The following USP3 variants were observed in gnomAD, a reference collection of about 807,000 sequenced individuals.
USP3 encodes the protein ubiquitin carboxyl-terminal hydrolase 3.
USP3 carries 20 observed loss-of-function variants against 72.3 expected under a neutral mutation model. That is an observed-to-expected ratio of 0.28 (90% CI 0.19 to 0.40). USP3 has a LOEUF of 0.40. Among genes scored for constraint, USP3 ranks in the 10% least tolerant of loss-of-function variants. USP3 has a pLI of 1.00. For missense variants in USP3, 479 were observed against 633.9 expected (o/e 0.76, Z 2.62); for synonymous variants, 222 against 225.3 (o/e 0.99, Z 0.13).
intron 5 of USP3, among the ~76,000 whole-genome samples, chr15:63,557,868 A>G (rs62011346): frequency 0.12 from 18,786 of 152,222 alleles, 1,598 homozygotes; most frequent in South Asian, 0.2. Flanking sequence ...ATTTCCTCAT[A>G]AGCTTTCAAT....
chr15:63,587,973 A>G (rs2067109040), intron 11 of USP3: 2 of 186,026 alleles, frequency 1.1e-5, no homozygotes, highest in Admixed American at 1.1e-4. Flanking sequence ...TAACATATTG[A>G]CAGAAAACTA....
At chr15:63,525,077 G>A (rs1446847114) in intron 1 of USP3, among the ~76,000 whole-genome samples, 2 of 152,186 alleles carry the variant, frequency 1.3e-5, no homozygotes, top group Non-Finnish European at 2.9e-5. Context: ...GAGACTGATT[G>A]TCAGGAATAA....
chr15:63,561,792 G>A (rs2066611978), intron 7 of USP3, among the ~76,000 whole-genome samples: 1 of 152,180 alleles, frequency 6.6e-6, no homozygotes, highest in Non-Finnish European at 1.5e-5. Flanking sequence ...AATATGATTT[G>A]TATTCCAGGG....
intron 1 of USP3, among the ~76,000 whole-genome samples, chr15:63,526,591 T>C (rs1390962303): frequency 6.6e-6 from 1 of 152,124 alleles, no homozygotes; most frequent in Non-Finnish European, 1.5e-5. Flanking sequence ...CGGGTGGTTC[T>C]TGAGTTTCAC....
intron 11 of USP3, among the ~76,000 whole-genome samples, chr15:63,583,858 A>G (rs1373529732): frequency 2.6e-5 from 4 of 152,152 alleles, no homozygotes; most frequent in African/African-American, 4.8e-5. Context: ...CATTCTGTTT[A>G]TCCATTCATC....
chr15:63,573,629 A>C (rs2066815408), intron 9 of USP3, among the ~76,000 whole-genome samples: 2 of 152,240 alleles, frequency 1.3e-5, no homozygotes, highest in Admixed American at 6.5e-5. Context: ...TTCAAAGTCA[A>C]GTAATTGTGA....
intron 1 of USP3, chr15:63,527,801 A>T (rs1247851625): frequency 6.6e-6 from 1 of 152,210 alleles, no homozygotes; most frequent in African/African-American, 2.4e-5. Context: ...GCACGGACTA[A>T]ACCACTTTTG....
rs1488149476 is a variant in USP3, at chr15:63,537,058, A to G, written c.186A>G (p.Glu62=). The part of the protein sequence containing the change: ...YVNGHAKKHY[E]DAQVPLTNHK... ...ATGGCCATGCAAAAAAACATTATGA[A>G]GATGCACAAGTACCTTTAACCAACC... The change falls in exon 3 of 15, where the codon GAA becomes GAG. Residue 62 remains glutamate, a synonymous_variant. Coordinates refer to ENST00000380324, the MANE Select transcript of USP3 (RefSeq NM_006537.4). 6.2e-7 allele frequency: 1 copy of G among 1,614,082 alleles called. No individual in the cohort carries two copies. The highest frequency in any genetic ancestry group is 2.2e-5 in the East Asian group (1 of 44,874).
In USP3 at chr15:63,574,257, T is replaced by C; in HGVS notation, c.1016-66T>C. The C allele has an allele frequency of 6.9e-7, 1 of 1,454,700 alleles. No individual in the cohort carries two copies. The allele number at this position is 1,454,700 out of a possible 1,614,324, so 90.1% of individuals were successfully genotyped here. On this transcript the variant is annotated intron_variant, in intron 10 of 14. Transcript: ENST00000380324. This position sits in a 1 kb window ranked among gnomAD's most constrained non-coding sequence, Gnocchi z 4.6. ...AGAAATCTAGAAATACATCAGTTTGTGAAATTATTTTGAATGGACATATAT... is the reference window on the plus strand; with the variant it reads ...AGAAATCTAGAAATACATCAGTTTGCGAAATTATTTTGAATGGACATATAT...
rs2066555413 is a variant in USP3 at position 63,558,798 on chromosome 15, C to A, written c.533+610C>A. Among the ~76,000 whole-genome samples, 2 of 152,146 alleles carry A rather than the reference C, an allele frequency of 1.3e-5. 1 individual carries two copies. Among genetic ancestry groups the A allele is most frequent in the South Asian group, 4.1e-4 (2 of 4,826 alleles). ...GCTGAGGCAGGAGAATCGCTTGAAC[C>A]CAGGAGGTGGAAGTTGCAGTGAGCC... On this transcript the variant is annotated intron_variant, in intron 6 of 14. Transcript: ENST00000380324.
Position 63,553,850 on chromosome 15 carries a change from T to C in USP3, c.368+52T>C. The stretch of plus-strand genomic sequence containing the variant: ...AGGGCCTAAGAATGGGGTTGAGGAG[T>C]CTTTTAGAATTTTTGAGTGGGGTTT... On this transcript the variant is annotated intron_variant, in intron 4 of 14. Coordinates refer to ENST00000380324, the MANE Select transcript of USP3 (RefSeq NM_006537.4). This position sits in a 1 kb window ranked among gnomAD's most constrained non-coding sequence, Gnocchi z 4.2. 3 of 1,459,198 alleles carry C rather than the reference T, an allele frequency of 2.1e-6. No individual in the cohort carries two copies. The highest frequency in any genetic ancestry group is 2.8e-6 in the Non-Finnish European group (3 of 1,074,580). 90.4% of individuals were successfully genotyped at this position (1,459,198 alleles called of 1,614,324 possible). A position where few individuals can be genotyped will look rare whatever the true frequency, so the allele number is the denominator to read the frequency against.
At chr15:63,549,506 C>CTT (rs150632484) in intron 3 of USP3, among the ~76,000 whole-genome samples, 1 of 152,172 alleles carries the variant, frequency 6.6e-6, no homozygotes, top group African/African-American at 2.4e-5. Context: ...AAAATCAACT[C>CTT]TAAGTTTATC....
chr15:63,565,027 AT>A (rs2066665294), intron 8 of USP3, among the ~76,000 whole-genome samples: 1 of 152,120 alleles, frequency 6.6e-6, no homozygotes, highest in Admixed American at 6.5e-5. Flanking sequence ...ATGAATCTTG[AT>A]TTATGTTTAT....
chr15:63,571,774 A>G (rs2066782718), intron 9 of USP3, among the ~76,000 whole-genome samples: 1 of 152,176 alleles, frequency 6.6e-6, no homozygotes, highest in Non-Finnish European at 1.5e-5. Context: ...TTCAGGATTA[A>G]TCTATCCCTT....
chr15:63,555,766 A>G (rs2152670700), intron 4 of USP3, among the ~76,000 whole-genome samples: 1 of 152,342 alleles, frequency 6.6e-6, no homozygotes, highest in Non-Finnish European at 1.5e-5. Context: ...CCAGTACTGT[A>G]AGAGAGAGAC....
chr15:63,573,704 G>A (rs2066816295), intron 9 of USP3, among the ~76,000 whole-genome samples: 1 of 152,144 alleles, frequency 6.6e-6, no homozygotes, highest in Non-Finnish European at 1.5e-5. Context: ...TCCTTTTGAG[G>A]CCTAACTTGG....
chr15:63,533,813 A>C, intron 2 of USP3: 1 of 1,239,112 alleles, frequency 8.1e-7, no homozygotes, highest in Non-Finnish European at 1.0e-6. Context: ...GATTTGGGGA[A>C]CCTGAAAATA....
At chr15:63,530,697 C>T (rs769723114) in intron 1 of USP3, 2 of 361,898 alleles carry the variant, frequency 5.5e-6, no homozygotes, top group Non-Finnish European at 1.1e-5. Context: ...CAAATCATAC[C>T]TCAAACCATG....
intron 14 of USP3, among the ~76,000 whole-genome samples, chr15:63,590,171 T>G (rs1352664043): frequency 7.2e-5 from 11 of 152,180 alleles, no homozygotes; most frequent in Non-Finnish European, 5.9e-5. Flanking sequence ...GGATCTTTAT[T>G]ATTTAAATAG....
Sources: allele counts gnomAD v4.1 joint callset (sites outside exome capture counted in the v4.1 genomes callset), GRCh38; gene constraint gnomAD v4.1.1; non-coding constraint Gnocchi (gnomAD v3.1); transcripts MANE v1.5; gene names NCBI Gene and HGNC (gene_info 2026-07-23, HGNC 2026-07-21).